ZNF385D: variants seen among roughly 807,000 people sequenced by gnomAD.
ZNF385D encodes the protein zinc finger protein 659.
A neutral mutation model predicts 35.8 loss-of-function variants in ZNF385D; 15 were observed. The observed-to-expected ratio is 0.42, with a 90% CI of 0.28 to 0.64. The LOEUF (loss-of-function observed/expected upper bound fraction) is 0.64. Among genes scored for constraint, ZNF385D ranks in the 30% least tolerant of loss-of-function variants. ZNF385D has a pLI of 0.23. For missense variants in ZNF385D, 474 were observed against 494.6 expected (o/e 0.96, Z 0.39); for synonymous variants, 212 against 186.8 (o/e 1.13, Z -1.10).
intron 3 of ZNF385D, among the ~76,000 whole-genome samples, chr3:21,975,166 G>A (rs546746177): frequency 2.0e-5 from 3 of 152,252 alleles, no homozygotes; most frequent in East Asian, 3.9e-4. Context: ...AGCAACCTAA[G>A]TGTCTGTCAA....
rs747950100 is a variant in ZNF385D, at chr3:21,664,961, C to A, written c.90G>T (p.Ser30=). The stretch of plus-strand genomic sequence containing the variant: ...AGGGAAGAAATGGTTTAATATCCAG[C>A]GATGGTTGCAAAGGAGGGGCTGGTG... The part of the protein sequence containing the change: ...VRPPAPPLQP[S]LDIKPFLPFP... The change falls in exon 2 of 8, where the codon TCG becomes TCT. Residue 30 remains serine, a synonymous_variant. Coordinates refer to ENST00000281523, the MANE Select transcript of ZNF385D (RefSeq NM_024697.3). The A allele has an allele frequency of 1.2e-6, 2 of 1,613,546 alleles. No individual in the cohort carries two copies. Among genetic ancestry groups the A allele is most frequent in the South Asian group, 1.1e-5 (1 of 91,064 alleles).
chr3:21,692,867 G>A (rs1319375534), intron 1 of ZNF385D, among the ~76,000 whole-genome samples: 2 of 152,146 alleles, frequency 1.3e-5, no homozygotes, highest in Non-Finnish European at 2.9e-5. Flanking sequence ...CTACCGATAT[G>A]GATGCTACTG....
chr3:22,141,049 A>G (rs1044772951), intron 3 of ZNF385D, among the ~76,000 whole-genome samples: 7 of 152,338 alleles, frequency 4.6e-5, no homozygotes, highest in South Asian at 4.1e-4. Context: ...AGTACAACAA[A>G]TTCTCAGAGA....
At chr3:22,124,317 T>A (rs912607378) in intron 3 of ZNF385D, among the ~76,000 whole-genome samples, 1 of 152,172 alleles carries the variant, frequency 6.6e-6, no homozygotes, top group African/African-American at 2.4e-5. Context: ...ATTTTCATTA[T>A]CCATTCATCT....
intron 2 of ZNF385D, among the ~76,000 whole-genome samples, chr3:21,592,487 A>G (rs2064004908): frequency 6.7e-6 from 1 of 150,266 alleles, no homozygotes; most frequent in Admixed American, 6.7e-5. Context: ...GTTCTCTACA[A>G]TAGGATTTAT....
At chr3:21,467,081 T>G (rs1703562760) in intron 4 of ZNF385D, among the ~76,000 whole-genome samples, 1 of 152,218 alleles carries the variant, frequency 6.6e-6, no homozygotes, top group African/African-American at 2.4e-5. Flanking sequence ...GAGTAGGTAG[T>G]TTATTTCATT....
chr3:21,979,206 A>G (rs1187265697), intron 3 of ZNF385D, among the ~76,000 whole-genome samples: 1 of 151,988 alleles, frequency 6.6e-6, no homozygotes, highest in Non-Finnish European at 1.5e-5. Flanking sequence ...GATATGGGGG[A>G]CCATGGGGTA....
intron 3 of ZNF385D, among the ~76,000 whole-genome samples, chr3:21,550,528 G>T (rs1346994448): frequency 6.6e-6 from 1 of 152,154 alleles, no homozygotes; most frequent in African/African-American, 2.4e-5. Flanking sequence ...TGTTGCCCAG[G>T]CTGGAGTGCA....
At chr3:21,674,770 C>T (rs181971541) in intron 1 of ZNF385D, among the ~76,000 whole-genome samples, 2 of 152,052 alleles carry the variant, frequency 1.3e-5, no homozygotes, top group Non-Finnish European at 2.9e-5. Context: ...ACTTACTTGA[C>T]TTTGTATCTG....
chr3:22,060,718 A>G (rs1229389832), intron 3 of ZNF385D, among the ~76,000 whole-genome samples: 2 of 152,092 alleles, frequency 1.3e-5, no homozygotes, highest in African/African-American at 2.4e-5. Context: ...AAAGATATAT[A>G]ATATAGATTA....
intron 2 of ZNF385D, among the ~76,000 whole-genome samples, chr3:21,591,548 A>G (rs1666272467): frequency 6.6e-6 from 1 of 152,214 alleles, no homozygotes; most frequent in Non-Finnish European, 1.5e-5. Flanking sequence ...ATTTTAGTCC[A>G]ATATGAATAT....
chr3:21,502,060 G>A (rs931497758), intron 4 of ZNF385D, among the ~76,000 whole-genome samples: 3 of 152,142 alleles, frequency 2.0e-5, no homozygotes, highest in African/African-American at 7.2e-5. Context: ...TGTTGCTTTG[G>A]TATGCTGATT....
At position 21,809,382 on chromosome 3, in the gene ZNF385D, C is replaced by CAA. The variant is rs60455559; in HGVS notation, c.326-144356_326-144355dup. Among the ~76,000 whole-genome samples the CAA allele has an allele frequency of 1.5e-4, 22 of 151,522 alleles. 1 individual carries two copies. The highest frequency in any genetic ancestry group is 4.1e-4 in the African/African-American group (17 of 41,382). On this transcript the variant is annotated intron_variant, in intron 3 of 5. Transcript: ENST00000494108. ...TAAAATTATGTTTGATAACTGAAAACAAAAAATATATAATATTGTCTAATG... is the reference window on the plus strand; with the variant it reads ...TAAAATTATGTTTGATAACTGAAAACAAAAAAAATATATAATATTGTCTAATG...
intron 3 of ZNF385D, among the ~76,000 whole-genome samples, chr3:21,828,214 AAACT>A (rs1490106376): frequency 6.6e-6 from 1 of 152,222 alleles, no homozygotes; most frequent in Non-Finnish European, 1.5e-5. Flanking sequence ...TATTCCTTTT[AAACT>A]AATATGTTTA....
chr3:21,888,979 G>A (rs1698696778), intron 3 of ZNF385D, among the ~76,000 whole-genome samples: 1 of 152,204 alleles, frequency 6.6e-6, no homozygotes, highest in South Asian at 2.1e-4. Context: ...TGCAGGTCTA[G>A]AGATACTCAG....
chr3:21,704,048 T>C (rs879930819), intron 1 of ZNF385D, among the ~76,000 whole-genome samples: 5 of 152,230 alleles, frequency 3.3e-5, no homozygotes, highest in Non-Finnish European at 7.3e-5. Flanking sequence ...GAAATTGTTG[T>C]GCCCCTTTTT....
chr3:22,241,874 T>C (rs914229654), intron 2 of ZNF385D, among the ~76,000 whole-genome samples: 3 of 150,978 alleles, frequency 2.0e-5, no homozygotes, highest in Non-Finnish European at 2.9e-5. Flanking sequence ...ATTCTGAATA[T>C]AGTACTTATT....
chr3:22,179,746 A>G (rs1007201152), intron 2 of ZNF385D, among the ~76,000 whole-genome samples: 2 of 152,198 alleles, frequency 1.3e-5, no homozygotes, highest in Non-Finnish European at 2.9e-5. Flanking sequence ...AATGAGAACA[A>G]AGACACAACA....
intron 3 of ZNF385D, among the ~76,000 whole-genome samples, chr3:21,848,664 C>T (rs1417234500): frequency 1.2e-4 from 18 of 151,896 alleles, no homozygotes; most frequent in Admixed American, 1.1e-3. Context: ...TAGGAACTTA[C>T]AACCTACCAA....
Sources: gnomAD v4.1 joint callset for allele counts (sites outside exome capture counted in the v4.1 genomes callset) on GRCh38, gnomAD v4.1.1 for gene constraint, MANE v1.5 for transcripts, NCBI Gene and HGNC (gene_info 2026-07-23, HGNC 2026-07-21) for gene names.